PALM2AKAP2: variants seen among roughly 807,000 people sequenced by gnomAD.
The protein encoded by PALM2AKAP2 is PALM2-AKAP2 fusion protein.
Under a neutral mutation model 71.5 loss-of-function variants are expected in PALM2AKAP2, and 37 were observed. The ratio of observed to expected loss-of-function variants is 0.52; its 90% CI spans 0.40 to 0.68. The LOEUF (loss-of-function observed/expected upper bound fraction) is 0.68. Ranked by LOEUF, PALM2AKAP2 falls within the 30% of genes least tolerant of loss-of-function variation. PALM2AKAP2 has a pLI of 0.00. For synonymous variants in PALM2AKAP2, 468 were observed against 478.8 expected (o/e 0.98, Z 0.29); for missense variants, 1,224 against 1,191.8 (o/e 1.03, Z -0.40).
At chr9:109,957,523 C>A (rs1224141794) in intron 6 of PALM2AKAP2, among the ~76,000 whole-genome samples, 2 of 152,214 alleles carry the variant, frequency 1.3e-5, no homozygotes, top group Admixed American at 1.3e-4. Context: ...CTCCCAAAGA[C>A]AGCTCAGCTT....
chr9:110,113,511 G>A (rs1835294525), intron 1 of PALM2AKAP2, among the ~76,000 whole-genome samples: 1 of 148,220 alleles, frequency 6.7e-6, no homozygotes. Flanking sequence ...CTCCCAAAGT[G>A]AGCCACTGCA....
intron 5 of PALM2AKAP2, among the ~76,000 whole-genome samples, chr9:109,930,228 C>CT (rs1564216382): frequency 6.8e-6 from 1 of 146,308 alleles, no homozygotes; most frequent in Non-Finnish European, 1.5e-5. Context: ...ATGGAAAAAT[C>CT]TATTTTTTTT....
intron 7 of PALM2AKAP2, among the ~76,000 whole-genome samples, chr9:110,028,168 A>G (rs972742563): frequency 3.9e-5 from 6 of 152,222 alleles, no homozygotes; most frequent in Non-Finnish European, 7.3e-5. Context: ...TTTAAAATGA[A>G]TATGAAGAGC....
intron 1 of PALM2AKAP2, among the ~76,000 whole-genome samples, chr9:109,734,924 C>T (rs1232153097): frequency 6.6e-6 from 1 of 151,946 alleles, no homozygotes; most frequent in Non-Finnish European, 1.5e-5. Flanking sequence ...AGAAATAGAT[C>T]CAAGCCTCTC....
At chr9:109,655,420 A>G (rs1436861502) in intron 1 of PALM2AKAP2, among the ~76,000 whole-genome samples, 1 of 152,036 alleles carries the variant, frequency 6.6e-6, no homozygotes, top group Non-Finnish European at 1.5e-5. Flanking sequence ...CTCTCTATAT[A>G]TATGTATTTT....
intron 6 of PALM2AKAP2, among the ~76,000 whole-genome samples, chr9:109,959,953 A>T (rs143830522): frequency 2.6e-5 from 4 of 152,326 alleles, no homozygotes; most frequent in African/African-American, 9.6e-5. Flanking sequence ...AGAACAGAGA[A>T]TCACTGCTTT....
At chr9:110,126,570 C>T (rs1253527358) in intron 1 of PALM2AKAP2, among the ~76,000 whole-genome samples, 1 of 152,184 alleles carries the variant, frequency 6.6e-6, no homozygotes, top group Non-Finnish European at 1.5e-5. Flanking sequence ...CTTGATAGGG[C>T]GCTCAGTATC....
intron 1 of PALM2AKAP2, among the ~76,000 whole-genome samples, chr9:109,765,196 A>G (rs1391859176): frequency 6.6e-6 from 1 of 152,238 alleles, no homozygotes; most frequent in Non-Finnish European, 1.5e-5. Flanking sequence ...CCACCCCCAG[A>G]GATTCTGATG....
intron 1 of PALM2AKAP2, among the ~76,000 whole-genome samples, chr9:110,082,960 G>A (rs1834481946): frequency 6.6e-6 from 1 of 152,098 alleles, no homozygotes; most frequent in Non-Finnish European, 1.5e-5. Flanking sequence ...TGACCAACAT[G>A]GAGAAACCCC....
chr9:109,867,165 TGTG>T, intron 1 of PALM2AKAP2: 1 of 46,978 alleles, frequency 2.1e-5, no homozygotes, highest in African/African-American at 5.8e-4. Flanking sequence ...CATGGTTCTC[TGTG>T]TGTGTGTGTG....
intron 1 of PALM2AKAP2, among the ~76,000 whole-genome samples, chr9:109,751,415 A>G (rs1234903226): frequency 6.6e-6 from 1 of 152,030 alleles, no homozygotes; most frequent in Non-Finnish European, 1.5e-5. Context: ...TGTTTTACTC[A>G]CTAGTAAAAA....
chr9:110,127,783 C>A (rs1345663157), intron 1 of PALM2AKAP2: 1 of 152,244 alleles, frequency 6.6e-6, no homozygotes, highest in Non-Finnish European at 1.5e-5. Context: ...TTTTGCCCGG[C>A]ACAGTTTGCG....
intron 1 of PALM2AKAP2, among the ~76,000 whole-genome samples, chr9:109,675,812 G>A (rs115110090): frequency 3.9e-4 from 60 of 152,172 alleles, no homozygotes; most frequent in African/African-American, 1.2e-3. Context: ...GGCATTTTGC[G>A]TACCTCTTCT....
chr9:109,652,591 A>T (rs927190621), intron 1 of PALM2AKAP2, among the ~76,000 whole-genome samples: 1 of 152,342 alleles, frequency 6.6e-6, no homozygotes, highest in Non-Finnish European at 1.5e-5. Flanking sequence ...TACATATCTC[A>T]TACTTGAAAA....
chr9:110,024,036 G>A (rs59284397), intron 7 of PALM2AKAP2, among the ~76,000 whole-genome samples: 2,748 of 152,112 alleles, frequency 0.018, 66 homozygotes, highest in African/African-American at 0.058. Flanking sequence ...TTTCCGTAAG[G>A]GTCATTTTTC....
chr9:109,739,093 T>C (rs1828680807), intron 1 of PALM2AKAP2, among the ~76,000 whole-genome samples: 2 of 152,222 alleles, frequency 1.3e-5, no homozygotes, highest in South Asian at 4.1e-4. Flanking sequence ...TAAGAAATGG[T>C]TAAAATTATC....
chr9:110,048,578 G>C (rs1035551335), upstream of PALM2AKAP2: 9 of 941,894 alleles, frequency 9.6e-6, no homozygotes, highest in African/African-American at 1.5e-4. Context: ...GGAGGGAGGG[G>C]CGGTCCGTGG....
intron 7 of PALM2AKAP2, chr9:110,025,041 C>T (rs1201910613): frequency 2.4e-6 from 3 of 1,244,232 alleles, no homozygotes; most frequent in Non-Finnish European, 3.5e-6. Flanking sequence ...TTCCTTCACA[C>T]ATTTCAGGAA....
intron 6 of PALM2AKAP2, among the ~76,000 whole-genome samples, chr9:109,949,036 C>G (rs1186077152): frequency 6.6e-6 from 1 of 152,232 alleles, no homozygotes; most frequent in Non-Finnish European, 1.5e-5. Flanking sequence ...CAGCCTTCTT[C>G]AGAGCTGTGA....
Sources: gnomAD v4.1 joint callset for allele counts (sites outside exome capture counted in the v4.1 genomes callset) on GRCh38, gnomAD v4.1.1 for gene constraint, MANE v1.5 for transcripts, NCBI Gene and HGNC (gene_info 2026-07-23, HGNC 2026-07-21) for gene names.